CIT: variants seen among roughly 807,000 people sequenced by gnomAD.
The protein encoded by CIT is citron Rho-interacting kinase.
Under a neutral mutation model 272.7 loss-of-function variants are expected in CIT, and 79 were observed. That is an observed-to-expected ratio of 0.29 (90% CI 0.24 to 0.35). The LOEUF (loss-of-function observed/expected upper bound fraction) is 0.35. Among genes scored for constraint, CIT ranks in the 10% least tolerant of loss-of-function variants. The probability of loss-of-function intolerance (pLI) is 1.00; values close to 1 mark genes in which losing one functional copy is unlikely to be tolerated. For synonymous variants in CIT, 948 were observed against 995.6 expected, an observed-to-expected ratio of 0.95 and a Z score of 0.90; for missense variants, 1,909 against 2,618.3, an observed-to-expected ratio of 0.73 and a Z score of 5.91.
At chr12:119,757,944 G>A (rs906115096) in intron 21 of CIT, among the ~76,000 whole-genome samples, 3 of 152,136 alleles carry the variant, frequency 2.0e-5, no homozygotes, top group Admixed American at 1.3e-4. Context: ...AAGGACTAAG[G>A]AGAAAGAATG....
chr12:119,872,920 C>T (rs1161984141), intron 2 of CIT, among the ~76,000 whole-genome samples: 1 of 152,218 alleles, frequency 6.6e-6, no homozygotes, highest in Non-Finnish European at 1.5e-5. Context: ...CCTCAGCCTC[C>T]TGAGTAGCTG....
intron 32 of CIT, among the ~76,000 whole-genome samples, chr12:119,717,412 T>C (rs1297830594): frequency 1.1e-5 from 1 of 92,932 alleles, no homozygotes; most frequent in African/African-American, 4.3e-5. Flanking sequence ...CTTTTTTCTT[T>C]TCTTTTCTTT....
At chr12:119,817,381 G>A (rs1593852365) in intron 9 of CIT, among the ~76,000 whole-genome samples, 1 of 151,926 alleles carries the variant, frequency 6.6e-6, no homozygotes, top group Admixed American at 6.6e-5. Context: ...GCGTGTTGGC[G>A]GGCACCTGTA....
chr12:119,805,749 A>G (rs556601184), intron 9 of CIT, among the ~76,000 whole-genome samples: 5 of 152,374 alleles, frequency 3.3e-5, no homozygotes, highest in East Asian at 1.9e-4. Flanking sequence ...GTACTATAAA[A>G]TAAGATTCAT....
intron 41 of CIT, among the ~76,000 whole-genome samples, chr12:119,703,019 A>G (rs556823328): frequency 6.6e-6 from 1 of 152,352 alleles, no homozygotes; most frequent in South Asian, 2.1e-4. Flanking sequence ...CGGGAATCAT[A>G]AAGAAGCAAT....
At chr12:119,815,087 CCACACACACACACACACAACACA>C (rs1473266144) in intron 9 of CIT, among the ~76,000 whole-genome samples, 3 of 103,038 alleles carry the variant, frequency 2.9e-5, no homozygotes, top group African/African-American at 4.0e-5. Flanking sequence ...TGCTCACATA[CCACACACACACACACACAACACA>C]CACACACACA....
Position 119,690,645 on chromosome 12 carries a change from A to G in CIT, c.5883-191T>C, listed in dbSNP as rs917172243. ...GACAGGGAAGAGAGCAAAGATGGCA[A>G]CAAAAGACAACCCACCTTCCTCAGT... is the stretch of plus-strand genomic sequence containing the variant. On this transcript the variant is annotated intron_variant, in intron 46 of 47. Coordinates refer to ENST00000392521, the MANE Select transcript of CIT (RefSeq NM_001206999.2). This position sits in a 1 kb window ranked among gnomAD's most constrained non-coding sequence, Gnocchi z 6.0. 1.1e-4 allele frequency among the ~76,000 whole-genome samples: 16 copies of G among 152,358 alleles called. No individual in the cohort carries two copies. The highest frequency in any genetic ancestry group is 2.1e-4 in the Non-Finnish European group (14 of 68,036).
chr12:119,757,873 G>A (rs1645500911), intron 21 of CIT, among the ~76,000 whole-genome samples: 1 of 152,038 alleles, frequency 6.6e-6, no homozygotes, highest in South Asian at 2.1e-4. Flanking sequence ...ACAGAAGGGG[G>A]CCTCCTTAGA....
intron 19 of CIT, among the ~76,000 whole-genome samples, chr12:119,762,453 C>A: frequency 6.6e-6 from 1 of 152,126 alleles, no homozygotes; most frequent in Admixed American, 6.5e-5. Context: ...ACAGGAAACA[C>A]AAAGCAGAAC....
intron 23 of CIT, among the ~76,000 whole-genome samples, chr12:119,745,028 G>A (rs1959192732): frequency 6.6e-6 from 1 of 151,824 alleles, no homozygotes; most frequent in Non-Finnish European, 1.5e-5. Flanking sequence ...AAGGAGTACA[G>A]GAGACAGAAA....
At chr12:119,782,721 T>C in intron 12 of CIT, 84 bp from the exon 13 acceptor site, 1 of 1,542,930 alleles carries the variant, frequency 6.5e-7, no homozygotes. Context: ...TGCAAGCTGC[T>C]TCGCAGACAC....
At chr12:119,809,834 T>C (rs550479420) in intron 9 of CIT, among the ~76,000 whole-genome samples, 2 of 152,330 alleles carry the variant, frequency 1.3e-5, no homozygotes, top group Admixed American at 1.3e-4. Context: ...ATCCCATTTC[T>C]ACATGGTTGT....
intron 7 of CIT, 152 bp downstream of exon 7, chr12:119,832,619 G>A: frequency 1.7e-6 from 1 of 582,106 alleles, no homozygotes; most frequent in Non-Finnish European, 3.0e-6. Flanking sequence ...CACGGTCTGG[G>A]AAATGGTTCT....
chr12:119,818,316 G>GA (rs1219945931), intron 9 of CIT, among the ~76,000 whole-genome samples: 1 of 151,966 alleles, frequency 6.6e-6, no homozygotes, highest in Non-Finnish European at 1.5e-5. Flanking sequence ...GAAAAAAAAA[G>GA]AAAAAACCCA....
In CIT at chr12:119,721,455, G is replaced by C. The variant is rs546730297; in HGVS notation, c.3592-6C>G. ...TGCTGCTGTAATTTGGCTTGCTAGTGGGGAGAAGGGCCAGGGAAATGCTTG... is the reference window on the plus strand; with the variant it reads ...TGCTGCTGTAATTTGGCTTGCTAGTCGGGAGAAGGGCCAGGGAAATGCTTG... On this transcript the variant is annotated splice_polypyrimidine_tract_variant and splice_region_variant and intron_variant, in intron 28 of 47. Transcript: ENST00000392521. 43 of 1,600,064 alleles carry C rather than the reference G, an allele frequency of 2.7e-5. No individual in the cohort carries two copies. In the Admixed American group the frequency reaches 6.7e-4, roughly 25 times the overall value.
chr12:119,772,757 G>T lies in CIT; in HGVS notation c.2082+13C>A. 1 of 1,609,262 alleles carries T rather than the reference G, an allele frequency of 6.2e-7. No individual in the cohort carries two copies. The highest frequency in any genetic ancestry group is 8.5e-7 in the Non-Finnish European group (1 of 1,178,348). On this transcript the variant is annotated intron_variant, in intron 17 of 47. Coordinates refer to ENST00000392521, the MANE Select transcript of CIT (RefSeq NM_001206999.2). ...GAGGCCGCTGGGGCCTGGGCTGGAG[G>T]TTCCCTGCTCACCTCAGCTTCCACC...
chr12:119,767,008 G>T, intron 19 of CIT, 79 bp downstream of exon 19: 1 of 1,008,470 alleles, frequency 9.9e-7, no homozygotes, highest in Non-Finnish European at 1.4e-6. Flanking sequence ...GCAAGAAATG[G>T]CCACAAGGGC....
chr12:119,775,575 T>G (rs1963672317), intron 16 of CIT, among the ~76,000 whole-genome samples: 1 of 152,240 alleles, frequency 6.6e-6, no homozygotes, highest in Non-Finnish European at 1.5e-5. Flanking sequence ...ACAGCTTGGT[T>G]TTTAAAAATA....
At chr12:119,854,711 G>A (rs1970468148) in intron 4 of CIT, among the ~76,000 whole-genome samples, 3 of 151,986 alleles carry the variant, frequency 2.0e-5, no homozygotes, top group Admixed American at 2.0e-4. Context: ...AGCACTTTGG[G>A]AGGCCGAGGC....
Sources: gnomAD v4.1 joint callset for allele counts (sites outside exome capture counted in the v4.1 genomes callset) on GRCh38, gnomAD v4.1.1 for gene constraint, Gnocchi (gnomAD v3.1) non-coding constraint, MANE v1.5 for transcripts, NCBI Gene and HGNC (gene_info 2026-07-23, HGNC 2026-07-21) for gene names.